Variants in FYB2 observed in about 807,000 individuals in gnomAD.
The protein encoded by FYB2 is FYN binding protein 2.
FYB2 carries 103 observed loss-of-function variants against 94.1 expected under a neutral mutation model. That is an observed-to-expected ratio of 1.09 (90% CI 0.93 to 1.29). The LOEUF (loss-of-function observed/expected upper bound fraction) is 1.29, where lower values mean the gene tolerates loss of function less well. Ranked by LOEUF, FYB2 falls within the 50% of genes most tolerant of loss-of-function variation. FYB2 has a pLI of 0.00. For missense variants in FYB2, 896 were observed against 841.5 expected (o/e 1.06, Z -0.80); for synonymous variants, 293 against 287.9 (o/e 1.02, Z -0.18).
chr1:56,794,825 C>T (rs1570183847), intron 1 of FYB2, among the ~76,000 whole-genome samples: 1 of 152,114 alleles, frequency 6.6e-6, no homozygotes, highest in Admixed American at 6.6e-5. Context: ...TTTCCACTTA[C>T]GTGCCTTGGG....
intron 12 of FYB2, 73 bp from the exon 13 acceptor site, chr1:56,740,868 A>C: frequency 2.1e-6 from 2 of 971,466 alleles, no homozygotes; most frequent in Non-Finnish European, 3.0e-6. Flanking sequence ...GTTGTATTAT[A>C]AAATCAAATG....
chr1:56,813,058 T>C (rs1646803466), intron 1 of FYB2, among the ~76,000 whole-genome samples: 1 of 152,198 alleles, frequency 6.6e-6, no homozygotes, highest in African/African-American at 2.4e-5. Flanking sequence ...GGCTTGTAGA[T>C]GGCTGTCTTC....
chr1:56,819,494 C>T (rs1489255531), upstream of FYB2: 2 of 681,496 alleles, frequency 2.9e-6, no homozygotes, highest in Admixed American at 2.7e-5. Context: ...GGCCGCCATC[C>T]TCCCAGCTTG....
chr1:56,820,227 A>C (rs1207614451), upstream of FYB2, among the ~76,000 whole-genome samples: 1 of 27,898 alleles, frequency 3.6e-5, no homozygotes, highest in East Asian at 4.0e-4. Flanking sequence ...ACTCCGTCTC[A>C]AAAAAAAAAA....
the FYB2 span, chr1:56,826,503 G>A: frequency 1.3e-5 from 2 of 152,362 alleles, no homozygotes. Flanking sequence ...TCTGGCCTCT[G>A]GATGTTGGCC....
chr1:56,764,000 G>A (rs1183308397), intron 5 of FYB2, among the ~76,000 whole-genome samples: 1 of 151,280 alleles, frequency 6.6e-6, no homozygotes. Flanking sequence ...GCCCAGGCTG[G>A]AGTGCGATGG....
chr1:56,786,317 C>T (rs1646131859), intron 4 of FYB2, among the ~76,000 whole-genome samples: 2 of 152,218 alleles, frequency 1.3e-5, no homozygotes, highest in Admixed American at 6.5e-5. Flanking sequence ...CAATGGAGAA[C>T]TGATACTTCT....
At chr1:56,789,669 C>T (rs188833773) in intron 2 of FYB2, among the ~76,000 whole-genome samples, 37 of 152,220 alleles carry the variant, frequency 2.4e-4, no homozygotes, top group African/African-American at 7.9e-4. Flanking sequence ...TGATTTGTAT[C>T]CCTGTAGCAC....
At chr1:56,769,972 A>T (rs1203427477) in intron 4 of FYB2, among the ~76,000 whole-genome samples, 1 of 152,202 alleles carries the variant, frequency 6.6e-6, no homozygotes, top group East Asian at 1.9e-4. Flanking sequence ...ATCAAATAGT[A>T]CCAAAGAAAA....
At chr1:56,736,430 T>TC (rs1386134292) in intron 15 of FYB2, among the ~76,000 whole-genome samples, 4 of 149,136 alleles carry the variant, frequency 2.7e-5, no homozygotes, top group African/African-American at 1.0e-4. Context: ...ATGGCTTTTT[T>TC]TTTTTTTTTT....
chr1:56,726,834 T>A (rs551221480), intron 15 of FYB2, among the ~76,000 whole-genome samples: 2 of 152,244 alleles, frequency 1.3e-5, no homozygotes, highest in South Asian at 4.1e-4. Flanking sequence ...TATTTGGTCC[T>A]CAGGCCATAG....
rs770155280 is a variant in FYB2, at chr1:56,738,682, T to C, written c.1704-29A>G. 3.7e-6 allele frequency: 6 copies of C among 1,603,970 alleles called. No homozygotes were observed. The highest frequency in any genetic ancestry group is 5.1e-6 in the Non-Finnish European group (6 of 1,174,910). On this transcript the variant is annotated intron_variant, in intron 13 of 19. Coordinates refer to ENST00000343433, the MANE Select transcript of FYB2 (RefSeq NM_001004303.5). ...TTGATTGACAAAAGACACAAAAGAGTTAAGGAAAAAAACCATGTTTGGAAA... is the reference window on the plus strand; with the variant it reads ...TTGATTGACAAAAGACACAAAAGAGCTAAGGAAAAAAACCATGTTTGGAAA...
rs1160994473 is a variant in FYB2, at chr1:56,723,441, A to C, written c.1974+147T>G. On this transcript the variant is annotated intron_variant, in intron 17 of 19. Transcript: ENST00000343433. ...ACAATATAGAAATGTACCAGGAAAA[A>C]ATAGGAATGAAATGCTGGCTTTTTG... 9.9e-6 allele frequency: 5 copies of C among 502,616 alleles called. No individual in the cohort carries two copies. In the Admixed American group the frequency reaches 2.1e-4, roughly 21 times the overall value. 31.1% of individuals were successfully genotyped at this position (502,616 alleles called of 1,614,324 possible).
At chr1:56,775,050 G>A (rs1645844627) in intron 4 of FYB2, among the ~76,000 whole-genome samples, 1 of 152,032 alleles carries the variant, frequency 6.6e-6, no homozygotes, top group Non-Finnish European at 1.5e-5. Context: ...AATTTGGACT[G>A]GCTTCCTTGC....
intron 1 of FYB2, among the ~76,000 whole-genome samples, chr1:56,797,403 T>C (rs1460715217): frequency 6.6e-6 from 1 of 152,118 alleles, no homozygotes; most frequent in Non-Finnish European, 1.5e-5. Flanking sequence ...TAAAGCAGCA[T>C]CTCTCCTTCA....
intron 12 of FYB2, among the ~76,000 whole-genome samples, chr1:56,741,914 G>A (rs1051991627): frequency 1.3e-5 from 2 of 151,966 alleles, no homozygotes; most frequent in Admixed American, 6.6e-5. Flanking sequence ...TCTCAAAAGC[G>A]AGAACAATGT....
intron 1 of FYB2, among the ~76,000 whole-genome samples, chr1:56,817,729 TTC>T (rs764249063): frequency 9.5e-4 from 144 of 152,298 alleles, no homozygotes; most frequent in Admixed American, 4.3e-3. Flanking sequence ...CTTGATTTTT[TTC>T]TCTCTCTGAG....
chr1:56,763,365 C>T (rs1456531983), intron 5 of FYB2, among the ~76,000 whole-genome samples: 3 of 152,084 alleles, frequency 2.0e-5, no homozygotes, highest in African/African-American at 7.2e-5. Flanking sequence ...TAGAATTTTT[C>T]AGGGAAATCA....
At chr1:56,755,673 TA>T (rs1645310864) in intron 7 of FYB2, among the ~76,000 whole-genome samples, 1 of 152,004 alleles carries the variant, frequency 6.6e-6, no homozygotes, top group Non-Finnish European at 1.5e-5. Context: ...GGGTACTCAG[TA>T]AATGTTTGCT....
Sources: gnomAD v4.1 joint callset for allele counts (sites outside exome capture counted in the v4.1 genomes callset) on GRCh38, gnomAD v4.1.1 for gene constraint, MANE v1.5 for transcripts, NCBI Gene and HGNC (gene_info 2026-07-23, HGNC 2026-07-21) for gene names.